The following MAP3K14 variants were observed in gnomAD, a reference collection of about 807,000 sequenced individuals.
The protein encoded by MAP3K14 is NF-kappa-beta-inducing kinase.
A neutral mutation model predicts 99.2 loss-of-function variants in MAP3K14; 16 were observed. The observed-to-expected ratio is 0.16, with a 90% confidence interval of 0.11 to 0.24. The LOEUF (loss-of-function observed/expected upper bound fraction) is 0.24. Among genes scored for constraint, MAP3K14 ranks in the 10% least tolerant of loss-of-function variants. The pLI is 1.00. For synonymous variants in MAP3K14, 462 were observed against 492.4 expected, an observed-to-expected ratio of 0.94 and a Z score of 0.82; for missense variants, 784 against 1,208.7, an observed-to-expected ratio of 0.65 and a Z score of 5.21.
rs761158136 is a variant in MAP3K14, at chr17:45,290,475, A to G, written c.256+15T>C. 11 of 1,612,754 alleles carry G rather than the reference A, an allele frequency of 6.8e-6. No homozygotes were observed. The highest frequency in any genetic ancestry group is 9.3e-6 in the Non-Finnish European group (11 of 1,179,416). On this transcript the variant is annotated intron_variant, in intron 2 of 15. Transcript: ENST00000344686. ...ACCCACCTGCCCCGTGCCCACAACA[A>G]CCCTAGGCCCCTACACTCAGCCTGG... is the stretch of plus-strand genomic sequence containing the variant.
rs1398498500 is a variant in MAP3K14 at position 45,274,528 on chromosome 17, A to T, written c.1356T>A (p.Ile452=). Residue 452 remains isoleucine, a synonymous_variant, in exon 7 of 16, where the codon ATT becomes ATA. Coordinates refer to ENST00000344686, the MANE Select transcript of MAP3K14 (RefSeq NM_003954.5). ...CTCTCACAGCTCCATACAAAGGGAC[A>T]ATTCTGGGTGAGGTCAATCCTGCAC... is the stretch of plus-strand genomic sequence containing the variant. ...MACAGLTSPR[I]VPLYGAVREG... is the part of the protein sequence containing the mutation. The T allele has an allele frequency of 1.2e-6, 2 of 1,613,880 alleles. No individual in the cohort carries two copies. The highest frequency in any genetic ancestry group is 1.3e-5 in the African/African-American group (1 of 74,930).
rs1419545634 is a variant in MAP3K14 at position 45,264,725 on chromosome 17, C to T, written c.2755G>A (p.Gly919Ser). 1 of 1,612,400 alleles carries T rather than the reference C, an allele frequency of 6.2e-7. No individual in the cohort carries two copies. The highest frequency in any genetic ancestry group is 1.7e-5 in the Admixed American group (1 of 59,816). The change falls in exon 16 of 16, where the codon GGC (glycine) becomes AGC (serine). Residue 919 changes from glycine (G) to serine (S), a missense_variant. Physicochemically the swap from Gly to Ser is moderately conservative, Grantham distance 56 (BLOSUM62 0). Around this residue, in one of 5 missense-constraint regions of MAP3K14, gnomAD observed 130 missense variants for 220.4 expected, o/e 0.59. Transcript: ENST00000344686. Reference sequence around the variant, plus strand: ...GCCAGTGTGCACTGCAGGTCGATGCCCGAGTCTGGCACCTCCATGTCGTAG... The same window carrying T: ...GCCAGTGTGCACTGCAGGTCGATGCTCGAGTCTGGCACCTCCATGTCGTAG... The part of the protein sequence containing the change: ...VRYDMEVPDS[G>S]IDLQCTLAPD...
intron 1 of MAP3K14, among the ~76,000 whole-genome samples, chr17:45,293,695 G>C (rs2044328841): frequency 6.6e-6 from 1 of 152,152 alleles, no homozygotes; most frequent in Admixed American, 6.5e-5. Flanking sequence ...CCTGTGGCTG[G>C]CTTTTCTGTG....
chr17:45,316,290 C>T (rs576691001), intron 1 of MAP3K14, among the ~76,000 whole-genome samples: 5 of 152,344 alleles, frequency 3.3e-5, no homozygotes, highest in East Asian at 3.9e-4. Context: ...CTGCCTGGTG[C>T]CCAGTGGCTG....
chr17:45,296,953 C>T (rs151313972), intron 1 of MAP3K14, among the ~76,000 whole-genome samples: 13 of 152,310 alleles, frequency 8.5e-5, no homozygotes, highest in Admixed American at 5.2e-4. Flanking sequence ...TAGCCACTAC[C>T]GTCCATAAAT....
intron 3 of MAP3K14, 50 bp downstream of exon 3, chr17:45,289,186 C>T (rs375481928): frequency 4.5e-5 from 70 of 1,552,008 alleles, no homozygotes; most frequent in African/African-American, 1.5e-4. Context: ...GGGACGAGGG[C>T]GCTGGGTCCA....
At chr17:45,287,071 C>A in intron 4 of MAP3K14, 26 bp from the exon 5 acceptor site, 2 of 1,606,134 alleles carry the variant, frequency 1.2e-6, no homozygotes, top group Non-Finnish European at 8.5e-7. Context: ...CAGCTATCAG[C>A]ACAGAGGGCC....
chr17:45,313,822 G>C (rs1352617667), intron 1 of MAP3K14, among the ~76,000 whole-genome samples: 1 of 152,114 alleles, frequency 6.6e-6, no homozygotes, highest in African/African-American at 2.4e-5. Flanking sequence ...AATCCTTATC[G>C]TTTCATGAGC....
chr17:45,283,845 C>T (rs570334871), intron 6 of MAP3K14, among the ~76,000 whole-genome samples: 4 of 152,318 alleles, frequency 2.6e-5, no homozygotes, highest in South Asian at 2.1e-4. Flanking sequence ...CACAGAAACG[C>T]GCCTTAGGTC....
At chr17:45,273,138 C>T (rs2044152522) in intron 9 of MAP3K14, among the ~76,000 whole-genome samples, 1 of 152,204 alleles carries the variant, frequency 6.6e-6, no homozygotes, top group Admixed American at 6.5e-5. Flanking sequence ...ACTGTGCTTC[C>T]AGCCAACCGT....
At chr17:45,307,934 C>G (rs922658908) in intron 1 of MAP3K14, among the ~76,000 whole-genome samples, 1 of 152,214 alleles carries the variant, frequency 6.6e-6, no homozygotes, top group Non-Finnish European at 1.5e-5. Context: ...TCAGATGCTG[C>G]CCCACATGCT....
chr17:45,309,738 T>G (rs7214514), intron 1 of MAP3K14, among the ~76,000 whole-genome samples: 99,697 of 152,002 alleles, frequency 0.66, 33,087 homozygotes, highest in Non-Finnish European at 0.69. Context: ...CTGTGGAGCC[T>G]CTCCTGCCAT....
At chr17:45,313,091 CAGTATAT>C (rs2143884858) in intron 1 of MAP3K14, among the ~76,000 whole-genome samples, 1 of 152,178 alleles carries the variant, frequency 6.6e-6, no homozygotes, top group South Asian at 2.1e-4. Flanking sequence ...ATGGTGAGGG[CAGTATAT>C]AGTGTAAGAC....
Position 45,274,597 on chromosome 17 carries a change from C to T in MAP3K14, c.1291-4G>A. On this transcript the variant is annotated splice_region_variant and splice_polypyrimidine_tract_variant and intron_variant, in intron 6 of 15. Transcript: ENST00000344686. ...CCCGAAATACTTCCAGCCGCACCTG[C>T]AAGGGCCCAGAGGCAGCTGTTAAGA... 1 of 1,613,166 alleles carries T rather than the reference C, an allele frequency of 6.2e-7. No homozygotes were observed. Among genetic ancestry groups the T allele is most frequent in the Non-Finnish European group, 8.5e-7 (1 of 1,179,706 alleles).
At position 45,264,720 on chromosome 17, in the gene MAP3K14, G is replaced by A. The variant is rs148779674; in HGVS notation, c.2760C>T (p.Ile920=). 4.3e-6 allele frequency: 7 copies of A among 1,611,742 alleles called. No homozygotes were observed. The highest frequency in any genetic ancestry group is 2.2e-5 in the East Asian group (1 of 44,812). Residue 920 remains isoleucine, a synonymous_variant, in exon 16 of 16, where the codon ATC becomes ATT. Transcript: ENST00000344686. ...RYDMEVPDSG[I]DLQCTLAPDG... ...CAGGGGCCAGTGTGCACTGCAGGTCGATGCCCGAGTCTGGCACCTCCATGT... is the reference window on the plus strand; with the variant it reads ...CAGGGGCCAGTGTGCACTGCAGGTCAATGCCCGAGTCTGGCACCTCCATGT...
chr17:45,302,474 AT>A (rs1421517937), intron 1 of MAP3K14, among the ~76,000 whole-genome samples: 1 of 151,412 alleles, frequency 6.6e-6, no homozygotes, highest in Non-Finnish European at 1.5e-5. Flanking sequence ...CACCCGGCTA[AT>A]TTTTCTATTT....
At chr17:45,273,782 CAGGCTAGAGGT>C (rs572014034) in intron 8 of MAP3K14, 175 bp from the exon 9 acceptor site, 172 of 694,398 alleles carry the variant, frequency 2.5e-4, no homozygotes, top group Non-Finnish European at 4.0e-4. Flanking sequence ...GGTATCAATT[CAGGCTAGAGGT>C]AGGCAGGATC....
In MAP3K14 at chr17:45,267,916, TG is replaced by T; in HGVS notation, c.1973-158del. 4 of 637,302 alleles carry T rather than the reference TG, an allele frequency of 6.3e-6. No individual in the cohort carries two copies. 39.5% of individuals were successfully genotyped at this position (637,302 alleles called of 1,614,324 possible). A position where few individuals can be genotyped will look rare whatever the true frequency, so the allele number is the denominator to read the frequency against. On this transcript the variant is annotated intron_variant, in intron 11 of 15. Transcript: ENST00000344686. The surrounding 1 kb of genome is among the most constrained non-coding windows in gnomAD (Gnocchi z 5.1). The stretch of plus-strand genomic sequence containing the variant: ...TGGGAGGTGGCTCCAGAGGGCAGCA[TG>T]GTGGTCTCCACAGGAGACTTCCTCA...
In MAP3K14 at chr17:45,267,973, A is replaced by G. The variant is rs1176027124; in HGVS notation, c.1973-214T>C. ...ATGGTCCCAATATGACAGGGATAGG[A>G]CTGGATTTCTGTCTTTGATTCTGTT... is the stretch of plus-strand genomic sequence containing the variant. On this transcript the variant is annotated intron_variant, in intron 11 of 15. Coordinates refer to ENST00000344686, the MANE Select transcript of MAP3K14 (RefSeq NM_003954.5). The surrounding 1 kb of genome is among the most constrained non-coding windows in gnomAD (Gnocchi z 5.1). 1.6e-5 allele frequency: 8 copies of G among 494,470 alleles called. No homozygotes were observed. The highest frequency in any genetic ancestry group is 1.8e-5 in the Non-Finnish European group (5 of 284,342). The allele number at this position is 494,470 out of a possible 1,614,324, so 30.6% of individuals were successfully genotyped here. A position where few individuals can be genotyped will look rare whatever the true frequency, so the allele number is the denominator to read the frequency against.
Sources: allele counts gnomAD v4.1 joint callset (sites outside exome capture counted in the v4.1 genomes callset), GRCh38; gene constraint gnomAD v4.1.1; regional missense constraint gnomAD v4.1.1; non-coding constraint Gnocchi (gnomAD v3.1); transcripts MANE v1.5; gene names NCBI Gene and HGNC (gene_info 2026-07-23, HGNC 2026-07-21).